The following MYL12A variants were observed in gnomAD, a reference collection of about 807,000 sequenced individuals.
The protein encoded by MYL12A is myosin light chain 12A.
In MYL12A, 11 loss-of-function variants were observed where a neutral mutation model predicts 13.3. The ratio of observed to expected loss-of-function variants is 0.83; its 90% CI spans 0.52 to 1.37. The LOEUF is 1.37. Among genes scored for constraint, MYL12A ranks in the 40% most tolerant of loss-of-function variants. The pLI is 0.00. For missense variants in MYL12A, 146 were observed against 212.3 expected, an observed-to-expected ratio of 0.69 and a Z score of 1.94; for synonymous variants, 51 against 69.9, an observed-to-expected ratio of 0.73 and a Z score of 1.35.
At chr18:3,253,476 GC>G in intron 2 of MYL12A, 48 bp downstream of exon 2, 1 of 1,583,976 alleles carries the variant, frequency 6.3e-7, no homozygotes, top group South Asian at 1.1e-5. Context: ...TTTCCATGGT[GC>G]CTTTCATCTT....
At chr18:3,248,445 T>C (rs1279539316) in intron 1 of MYL12A, 1 of 152,196 alleles carries the variant, frequency 6.6e-6, no homozygotes, top group Non-Finnish European at 1.5e-5. Context: ...AACTCCAAAA[T>C]GTAATACCTT....
At chr18:3,247,729 C>T (rs968949020), upstream of MYL12A, 1 of 152,326 alleles carries the variant, frequency 6.6e-6, no homozygotes, top group Non-Finnish European at 1.5e-5. Flanking sequence ...ACTTCCCTCT[C>T]TGTCGCCCCT....
At chr18:3,247,775 G>A (rs1201751562), upstream of MYL12A, 1 of 152,256 alleles carries the variant, frequency 6.6e-6, no homozygotes, top group Non-Finnish European at 1.5e-5. Flanking sequence ...GCCAAGAAAG[G>A]TGACCGGGCT....
chr18:3,254,383 C>T (rs1025911510), intron 3 of MYL12A, among the ~76,000 whole-genome samples: 2 of 152,184 alleles, frequency 1.3e-5, no homozygotes, highest in Non-Finnish European at 2.9e-5. Context: ...TTGTTATAGG[C>T]CATGCACCAC....
intron 3 of MYL12A, among the ~76,000 whole-genome samples, chr18:3,255,145 T>G (rs2081524461): frequency 6.6e-6 from 1 of 152,230 alleles, no homozygotes; most frequent in Non-Finnish European, 1.5e-5. Context: ...CAAATATTTA[T>G]TCCATGTTTT....
chr18:3,254,787 G>T (rs550523590), intron 3 of MYL12A, among the ~76,000 whole-genome samples: 1 of 152,232 alleles, frequency 6.6e-6, no homozygotes, highest in African/African-American at 2.4e-5. Context: ...AATATTTTCC[G>T]TGATTCCCAG....
Position 3,255,843 on chromosome 18 carries a change from T to A in MYL12A, c.441T>A (p.Ile147=), listed in dbSNP as rs2081531813. 7.4e-6 allele frequency: 12 copies of A among 1,613,968 alleles called. No individual in the cohort carries two copies. The highest frequency in any genetic ancestry group is 1.0e-5 in the Non-Finnish European group (12 of 1,180,010). ...EVDELYREAP[I]DKKGNFNYIE... ...ATGAGCTGTACAGAGAAGCACCTAT[T>A]GATAAAAAGGGGAATTTCAATTACA... is the stretch of plus-strand genomic sequence containing the variant. Residue 147 remains isoleucine, a synonymous_variant, in exon 4 of 4, where the codon ATT becomes ATA. Coordinates refer to ENST00000217652, the MANE Select transcript of MYL12A (RefSeq NM_006471.4).
chr18:3,250,042 T>G (rs1045035390), intron 1 of MYL12A: 1 of 147,920 alleles, frequency 6.8e-6, no homozygotes, highest in Non-Finnish European at 1.5e-5. Flanking sequence ...TTTCAATTTA[T>G]TTTACCCTAG....
chr18:3,251,345 AT>A (rs1173815677), intron 1 of MYL12A, among the ~76,000 whole-genome samples: 3 of 152,230 alleles, frequency 2.0e-5, no homozygotes, highest in Non-Finnish European at 4.4e-5. Flanking sequence ...AGATTAAAAA[AT>A]CAGATGTGTC....
intron 1 of MYL12A, among the ~76,000 whole-genome samples, chr18:3,251,955 G>A (rs529272124): frequency 5.3e-5 from 8 of 152,160 alleles, no homozygotes; most frequent in Non-Finnish European, 8.8e-5. Flanking sequence ...TTGAGGCAGA[G>A]CTTTTCTAAT....
intron 2 of MYL12A, 107 bp from the exon 3 acceptor site, chr18:3,253,782 C>A: frequency 8.0e-7 from 1 of 1,256,016 alleles, no homozygotes; most frequent in Non-Finnish European, 1.1e-6. Context: ...TGAGTGCAAA[C>A]AGTAAACTGT....
At chr18:3,252,369 G>C (rs1301649046) in intron 1 of MYL12A, 1 of 1,525,252 alleles carries the variant, frequency 6.6e-7, no homozygotes. Flanking sequence ...TTTTTAACTT[G>C]AAACAAATTT....
In MYL12A at chr18:3,255,798, GT is replaced by G. The variant is rs2081531249; in HGVS notation, c.399del (p.Phe133LeufsTer30). On this transcript the variant is annotated frameshift_variant, in exon 4 of 4. Transcript: ENST00000217652. LOFTEE classifies it high-confidence loss of function. ...AGCTGCTGACAACCATGGGGGATCGGTTTACAGATGAGGAAGTGGATGAGCT... is the reference window on the plus strand; with the variant it reads ...AGCTGCTGACAACCATGGGGGATCGGTTACAGATGAGGAAGTGGATGAGCT... ...RELLTTMGDR[F>X]TDEEVDELYR... The G allele has an allele frequency of 6.2e-7, 1 of 1,614,012 alleles. No individual in the cohort carries two copies. Among genetic ancestry groups the G allele is most frequent in the Admixed American group, 1.7e-5 (1 of 59,992 alleles).
chr18:3,251,230 TATATC>T (rs1419738313), intron 1 of MYL12A, among the ~76,000 whole-genome samples: 6 of 151,724 alleles, frequency 4.0e-5, no homozygotes, highest in African/African-American at 7.3e-5. Flanking sequence ...GAATAGGAAA[TATATC>T]AGAATTCAGA....
At position 3,253,805 on chromosome 18, in the gene MYL12A, C is replaced by T. The variant is rs2081511162; in HGVS notation, c.182-84C>T. ...AACAGTAAACTGTATGAATGATAAT[C>T]TTTGTTACCAAAATGTTTACTGTCA... On this transcript the variant is annotated intron_variant, in intron 2 of 3. Transcript: ENST00000217652. 2.7e-5 allele frequency: 37 copies of T among 1,396,116 alleles called. No individual in the cohort carries two copies. In the South Asian group the frequency reaches 5.0e-4, roughly 19 times the overall value. 86.5% of individuals were successfully genotyped at this position (1,396,116 alleles called of 1,614,324 possible). A position where few individuals can be genotyped will look rare whatever the true frequency, so the allele number is the denominator to read the frequency against.
Position 3,253,424 on chromosome 18 carries a change from A to G in MYL12A, c.177A>G (p.Ser59=). The change falls in exon 2 of 4, where the codon TCA becomes TCG. Residue 59 remains serine, a synonymous_variant. Transcript: ENST00000217652. The stretch of plus-strand genomic sequence containing the variant: ...AAGATTTGCATGATATGCTTGCTTC[A>G]TTGGGTAATGCTCAGTTTAAATATT... The part of the protein sequence containing the change: ...DKEDLHDMLA[S]LGKNPTDEYL... 1 of 1,613,356 alleles carries G rather than the reference A, an allele frequency of 6.2e-7. No homozygotes were observed. Among genetic ancestry groups the G allele is most frequent in the Non-Finnish European group, 8.5e-7 (1 of 1,179,546 alleles).
At chr18:3,251,450 T>A (rs1157513259) in intron 1 of MYL12A, among the ~76,000 whole-genome samples, 1 of 152,232 alleles carries the variant, frequency 6.6e-6, no homozygotes, top group Admixed American at 6.5e-5. Flanking sequence ...AACAGACTAT[T>A]TTTAAAGATG....
At chr18:3,253,141 T>G in intron 1 of MYL12A, 92 bp from the exon 2 acceptor site, 2 of 1,389,846 alleles carry the variant, frequency 1.4e-6, no homozygotes, top group East Asian at 2.3e-5. Context: ...GGAAAGTTGG[T>G]TCTGTGTACT....
At chr18:3,247,627 A>C (rs953739711), upstream of MYL12A, 2 of 152,424 alleles carry the variant, frequency 1.3e-5, no homozygotes, top group African/African-American at 4.8e-5. Flanking sequence ...GACCCAGAGG[A>C]CCATTATATA....
Sources: gnomAD v4.1 joint callset for allele counts (sites outside exome capture counted in the v4.1 genomes callset) on GRCh38, gnomAD v4.1.1 for gene constraint, MANE v1.5 for transcripts, NCBI Gene and HGNC (gene_info 2026-07-23, HGNC 2026-07-21) for gene names.